TANC2: variants seen among roughly 807,000 people sequenced by gnomAD.
The protein encoded by TANC2 is tetratricopeptide repeat, ankyrin repeat and coiled-coil containing 2.
A neutral mutation model predicts 210.5 loss-of-function variants in TANC2; 26 were observed. The ratio of observed to expected loss-of-function variants is 0.12; its 90% CI spans 0.09 to 0.17. TANC2 has a LOEUF of 0.17. Among genes scored for constraint, TANC2 ranks in the 10% least tolerant of loss-of-function variants. TANC2 has a pLI of 1.00. For synonymous variants in TANC2, 931 were observed against 967.1 expected, an observed-to-expected ratio of 0.96 and a Z score of 0.69; for missense variants, 2,129 against 2,608.9, an observed-to-expected ratio of 0.82 and a Z score of 4.01.
chr17:63,048,794 A>G (rs73341712), intron 2 of TANC2, among the ~76,000 whole-genome samples: 3,222 of 152,218 alleles, frequency 0.021, 107 homozygotes, highest in African/African-American at 0.072. Flanking sequence ...ACTAGGGCCT[A>G]CTTGAGGGTG....
chr17:63,409,617 A>G (rs1474226038), intron 21 of TANC2, among the ~76,000 whole-genome samples: 2 of 152,232 alleles, frequency 1.3e-5, no homozygotes, highest in Non-Finnish European at 2.9e-5. Flanking sequence ...TGTAAACATC[A>G]TAGAGTGCAC....
At chr17:63,370,473 C>T (rs907577832) in intron 14 of TANC2, among the ~76,000 whole-genome samples, 5 of 151,874 alleles carry the variant, frequency 3.3e-5, no homozygotes, top group African/African-American at 4.8e-5. Flanking sequence ...CCACCACGCC[C>T]GGCCTCCTTA....
At chr17:63,239,247 A>G (rs758172967) in intron 8 of TANC2, among the ~76,000 whole-genome samples, 39 of 152,168 alleles carry the variant, frequency 2.6e-4, no homozygotes, top group Non-Finnish European at 5.1e-4. Flanking sequence ...ATTGATGTCA[A>G]GGGGTATTTT....
intron 4 of TANC2, among the ~76,000 whole-genome samples, chr17:63,121,443 C>G (rs1390310661): frequency 3.3e-5 from 5 of 152,026 alleles, no homozygotes; most frequent in African/African-American, 4.8e-5. Flanking sequence ...CCCCATTCCT[C>G]TCCATTGGCC....
intron 4 of TANC2, among the ~76,000 whole-genome samples, chr17:63,121,881 C>T (rs1432991134): frequency 4.0e-5 from 6 of 150,674 alleles, no homozygotes; most frequent in African/African-American, 9.8e-5. Flanking sequence ...GTGGGAGGAT[C>T]GCTTGAGCCC....
chr17:63,116,329 T>C (rs774931048), intron 4 of TANC2, among the ~76,000 whole-genome samples: 15 of 152,194 alleles, frequency 9.9e-5, no homozygotes, highest in Non-Finnish European at 1.8e-4. Flanking sequence ...ATTCTATGCA[T>C]TGGTGCTTTC....
At chr17:63,232,803 G>T (rs1285396702) in intron 7 of TANC2, among the ~76,000 whole-genome samples, 1 of 152,232 alleles carries the variant, frequency 6.6e-6, no homozygotes, top group Admixed American at 6.5e-5. Flanking sequence ...CACTGCACTG[G>T]GGGGAATCCC....
chr17:63,421,516 T>C lies in TANC2; in HGVS notation c.5786T>C (p.Phe1929Ser). 1 of 1,613,888 alleles carries C rather than the reference T, an allele frequency of 6.2e-7. No homozygotes were observed. Among genetic ancestry groups the C allele is most frequent in the Non-Finnish European group, 8.5e-7 (1 of 1,179,870 alleles). Residue 1929 changes from phenylalanine (F) to serine (S), a missense_variant, in exon 28 of 28, where the codon TTC becomes TCC. By Grantham distance (155) the Phe-to-Ser change is radical. Transcript: ENST00000689528. The surrounding 1 kb of genome is among the most constrained non-coding windows in gnomAD (Gnocchi z 6.9). The stretch of plus-strand genomic sequence containing the variant: ...CCCACCCGATCCAGGACCACACCAT[T>C]CATGGGGATCATAGATAAAACAGCA...
intron 2 of TANC2, among the ~76,000 whole-genome samples, chr17:63,011,613 C>T (rs1231601199): frequency 6.6e-6 from 1 of 152,050 alleles, no homozygotes; most frequent in Non-Finnish European, 1.5e-5. Flanking sequence ...TAGGAACATT[C>T]GAGTTTAGGA....
chr17:62,974,983 T>C (rs1021354267), intron 1 of TANC2, among the ~76,000 whole-genome samples: 8 of 152,206 alleles, frequency 5.3e-5, no homozygotes, highest in Non-Finnish European at 1.5e-5. Flanking sequence ...GCTAGCATTA[T>C]CATATGATGA....
At chr17:63,087,006 T>C (rs190456165) in intron 3 of TANC2, among the ~76,000 whole-genome samples, 89 of 152,356 alleles carry the variant, frequency 5.8e-4, no homozygotes, top group African/African-American at 2.1e-3. Flanking sequence ...CTGGCGTCCC[T>C]TTCTGTGCTG....
intron 5 of TANC2, among the ~76,000 whole-genome samples, chr17:63,173,217 A>G (rs1050598464): frequency 6.6e-6 from 1 of 152,196 alleles, no homozygotes; most frequent in Admixed American, 6.5e-5. Context: ...AAATACATGA[A>G]GTTTATCTTA....
chr17:63,123,969 G>A (rs554859887), intron 4 of TANC2, among the ~76,000 whole-genome samples: 1 of 152,030 alleles, frequency 6.6e-6, no homozygotes, highest in Admixed American at 6.6e-5. Context: ...CCAAAGTGCT[G>A]GGATCACAGG....
chr17:63,074,733 A>G (rs1208311021), intron 3 of TANC2, among the ~76,000 whole-genome samples: 1 of 152,184 alleles, frequency 6.6e-6, no homozygotes, highest in Non-Finnish European at 1.5e-5. Flanking sequence ...TAATAAGTAC[A>G]TAGTATATAG....
chr17:63,015,252 T>G (rs1468732948), intron 2 of TANC2, among the ~76,000 whole-genome samples: 1 of 152,096 alleles, frequency 6.6e-6, no homozygotes, highest in Non-Finnish European at 1.5e-5. Flanking sequence ...TGAATTTTTC[T>G]GTGGGCCACT....
At chr17:63,038,189 G>A (rs1016865011) in intron 2 of TANC2, among the ~76,000 whole-genome samples, 1 of 152,124 alleles carries the variant, frequency 6.6e-6, no homozygotes, top group Non-Finnish European at 1.5e-5. Context: ...TCAAGTTGAA[G>A]TAGTTCCCCT....
chr17:63,021,250 A>AT (rs1208990772), intron 2 of TANC2, among the ~76,000 whole-genome samples: 1 of 152,172 alleles, frequency 6.6e-6, no homozygotes, highest in Non-Finnish European at 1.5e-5. Flanking sequence ...AGAAAAATAT[A>AT]TTTTTTCTTC....
At chr17:63,238,570 A>G (rs759959547) in intron 8 of TANC2, among the ~76,000 whole-genome samples, 1 of 152,204 alleles carries the variant, frequency 6.6e-6, no homozygotes, top group Non-Finnish European at 1.5e-5. Context: ...GTATTTTCAC[A>G]ATATCCTGGC....
At chr17:63,020,697 G>A (rs1216145709) in intron 2 of TANC2, among the ~76,000 whole-genome samples, 1 of 152,146 alleles carries the variant, frequency 6.6e-6, no homozygotes, top group Non-Finnish European at 1.5e-5. Context: ...TTAGAATCAT[G>A]TGTGACTGTT....
Sources: allele counts gnomAD v4.1 joint callset (sites outside exome capture counted in the v4.1 genomes callset), GRCh38; gene constraint gnomAD v4.1.1; non-coding constraint Gnocchi (gnomAD v3.1); transcripts MANE v1.5; gene names NCBI Gene and HGNC (gene_info 2026-07-23, HGNC 2026-07-21).